MRPS21: variants seen among roughly 807,000 people sequenced by gnomAD.
MRPS21 encodes small ribosomal subunit protein bS21m.
In MRPS21, 8 loss-of-function variants were observed where a neutral mutation model predicts 9.9. The observed-to-expected ratio is 0.81, with a 90% CI of 0.47 to 1.45. MRPS21 has a LOEUF of 1.45. MRPS21 is among the 40% of genes most tolerant of loss of function. The pLI is 0.00. For missense variants in MRPS21, 101 were observed against 118.9 expected, an observed-to-expected ratio of 0.85 and a Z score of 0.70; for synonymous variants, 40 against 40.3, an observed-to-expected ratio of 0.99 and a Z score of 0.03.
At chr1:150,303,359 C>T (rs1315584846) in intron 2 of MRPS21, among the ~76,000 whole-genome samples, 1 of 152,152 alleles carries the variant, frequency 6.6e-6, no homozygotes, top group African/African-American at 2.4e-5. Flanking sequence ...GTCCAAAAAG[C>T]AACCTTCATT....
intron 2 of MRPS21, among the ~76,000 whole-genome samples, chr1:150,307,022 T>C (rs1553858624): frequency 6.9e-6 from 1 of 145,974 alleles, no homozygotes; most frequent in Non-Finnish European, 1.5e-5. Context: ...GCAAGGGCCA[T>C]GTAATTAATT....
chr1:150,297,008 T>C (rs1553856665), intron 2 of MRPS21, among the ~76,000 whole-genome samples: 1 of 152,194 alleles, frequency 6.6e-6, no homozygotes. Flanking sequence ...AAAAATGCTG[T>C]CAGCCGGGCG....
At chr1:150,299,637 T>G (rs1313636478) in intron 2 of MRPS21, among the ~76,000 whole-genome samples, 3 of 152,120 alleles carry the variant, frequency 2.0e-5, no homozygotes, top group Non-Finnish European at 4.4e-5. Flanking sequence ...GTATTTTTAG[T>G]AGAGACGGGG....
intron 2 of MRPS21, among the ~76,000 whole-genome samples, chr1:150,307,050 A>T (rs1408939027): frequency 6.0e-5 from 9 of 148,798 alleles, no homozygotes; most frequent in African/African-American, 7.4e-5. Flanking sequence ...TATTTCCCCA[A>T]TTTTTTTTTT....
chr1:150,294,195 T>A (rs782429327), intron 1 of MRPS21, 140 bp from the exon 2 acceptor site: 69 of 589,174 alleles, frequency 1.2e-4, no homozygotes, highest in Non-Finnish European at 2.1e-4. Context: ...GTCTACTTTC[T>A]AGGATGACTT....
In MRPS21 at chr1:150,308,341, T is replaced by A; in HGVS notation, c.*113T>A. On this transcript the variant is annotated 3_prime_UTR_variant, in exon 3 of 3. Transcript: ENST00000614145. ...TTCTCTGCAATAAACTCAAATCACA[T>A]GTCTGCAAGAAGGCCTCCAAATATA... is the stretch of plus-strand genomic sequence containing the variant. The A allele has an allele frequency of 8.9e-7, 1 of 1,124,122 alleles. No homozygotes were observed. The highest frequency in any genetic ancestry group is 1.2e-6 in the Non-Finnish European group (1 of 814,602). The allele number at this position is 1,124,122 out of a possible 1,614,324, so 69.6% of individuals were successfully genotyped here. A position where few individuals can be genotyped will look rare whatever the true frequency, so the allele number is the denominator to read the frequency against.
At chr1:150,300,110 A>AG (rs1278425412) in intron 2 of MRPS21, among the ~76,000 whole-genome samples, 2 of 152,078 alleles carry the variant, frequency 1.3e-5, no homozygotes, top group Non-Finnish European at 2.9e-5. Flanking sequence ...TGGGAGGCTG[A>AG]GGGGGGCGGA....
intron 2 of MRPS21, among the ~76,000 whole-genome samples, chr1:150,306,956 G>T (rs1186873294): frequency 6.6e-6 from 1 of 152,098 alleles, no homozygotes; most frequent in Non-Finnish European, 1.5e-5. Flanking sequence ...TATCCCTCAG[G>T]TGTGTTGTGG....
chr1:150,295,251 C>T (rs587700955), intron 2 of MRPS21, among the ~76,000 whole-genome samples: 1 of 152,218 alleles, frequency 6.6e-6, no homozygotes, highest in South Asian at 2.1e-4. Flanking sequence ...CTGCCTCTGC[C>T]TCCCAAAGTG....
chr1:150,295,297 C>T (rs1484403102), intron 2 of MRPS21, among the ~76,000 whole-genome samples: 19 of 152,110 alleles, frequency 1.2e-4, no homozygotes, highest in African/African-American at 1.4e-4. Context: ...CGCCCGGCCC[C>T]GCTTTTTAAA....
At chr1:150,305,915 C>CT (rs782421913) in intron 2 of MRPS21, among the ~76,000 whole-genome samples, 1 of 152,160 alleles carries the variant, frequency 6.6e-6, no homozygotes, top group South Asian at 2.1e-4. Flanking sequence ...GTTCCAAAAT[C>CT]TGTCTGTACA....
At chr1:150,299,975 T>C (rs1026683458) in intron 2 of MRPS21, among the ~76,000 whole-genome samples, 8 of 151,732 alleles carry the variant, frequency 5.3e-5, no homozygotes, top group African/African-American at 1.9e-4. Flanking sequence ...TCTCCAGGGG[T>C]TGCAACCTGG....
intron 2 of MRPS21, chr1:150,304,309 T>TC (rs1553858158): frequency 0.35 from 38,559 of 108,914 alleles, 4,476 homozygotes; most frequent in African/African-American, 0.47. Context: ...AGGCCCTGCC[T>TC]ACAAAAAAAA....
intron 2 of MRPS21, chr1:150,301,221 G>C (rs1654111917): frequency 5.9e-6 from 1 of 170,552 alleles, no homozygotes; most frequent in Non-Finnish European, 1.3e-5. Context: ...TATAGTCCCA[G>C]CTACTCGGGA....
chr1:150,301,876 G>A (rs1654147693), intron 2 of MRPS21, among the ~76,000 whole-genome samples: 1 of 152,094 alleles, frequency 6.6e-6, no homozygotes, highest in Non-Finnish European at 1.5e-5. Context: ...GGGATTACAG[G>A]GGTGAGCCAC....
chr1:150,294,253 C>A, intron 1 of MRPS21, 82 bp from the exon 2 acceptor site: 2 of 949,382 alleles, frequency 2.1e-6, no homozygotes, highest in Non-Finnish European at 3.3e-6. Flanking sequence ...ATTTCCAAAT[C>A]CTAAATAAGC....
chr1:150,302,271 G>C (rs1312149922), intron 2 of MRPS21, among the ~76,000 whole-genome samples: 2 of 152,126 alleles, frequency 1.3e-5, no homozygotes, highest in African/African-American at 4.8e-5. Flanking sequence ...AATAGCCTAC[G>C]TGTCTGTCCA....
In MRPS21 at chr1:150,294,385, T is replaced by C. The variant is rs1653836523; in HGVS notation, c.19T>C (p.Phe7Leu). The change falls in exon 2 of 3, where the codon TTC becomes CTC. Residue 7 changes from phenylalanine to leucine, a missense_variant. Transcript: ENST00000614145. MAKHLKFIARTVMVQEG... is the reference protein window; with the variant it reads MAKHLKLIARTVMVQEG... ...CAAGGTCATGGCAAAACATCTGAAG[T>C]TCATCGCCAGGACTGTGATGGTACA... 1 of 1,613,342 alleles carries C rather than the reference T, an allele frequency of 6.2e-7. No individual in the cohort carries two copies. The highest frequency in any genetic ancestry group is 8.5e-7 in the Non-Finnish European group (1 of 1,179,806).
rs147239035 is a variant in MRPS21, at chr1:150,298,385, G to C, written c.83+3936G>C. ...AATCTTCTTCTGTATGATTTATTTT[G>C]GTAGATTTAGATAGGTCTTCTGGCC... On this transcript the variant is annotated intron_variant, in intron 2 of 2. Transcript: ENST00000614145. Among the ~76,000 whole-genome samples, 123 of 152,210 alleles carry C rather than the reference G, an allele frequency of 8.1e-4. 7 individuals are homozygous for C. The East Asian group carries it at 0.024, about 29-fold the overall frequency.
Sources: allele counts gnomAD v4.1 joint callset (sites outside exome capture counted in the v4.1 genomes callset), GRCh38; gene constraint gnomAD v4.1.1; transcripts MANE v1.5; gene names NCBI Gene and HGNC (gene_info 2026-07-23, HGNC 2026-07-21).